Variants in NRG1 observed in about 807,000 individuals in gnomAD.
NRG1 encodes the protein pro-neuregulin-1, membrane-bound isoform.
A neutral mutation model predicts 63.8 loss-of-function variants in NRG1; 18 were observed. That is an observed-to-expected ratio of 0.28 (90% confidence interval 0.19 to 0.42). The LOEUF (loss-of-function observed/expected upper bound fraction) is 0.42. Among genes scored for constraint, NRG1 ranks in the 10% least tolerant of loss-of-function variants. NRG1 has a pLI of 1.00. For synonymous variants in NRG1, 302 were observed against 301.3 expected (o/e 1.00, Z -0.02); for missense variants, 762 against 814.7 (o/e 0.94, Z 0.79).
At chr8:31,639,755 T>G in intron 1 of NRG1, 1 of 1,366,448 alleles carries the variant, frequency 7.3e-7, no homozygotes, top group South Asian at 1.7e-5. Context: ...TTTGCCTTTT[T>G]TTTTTTTGCC....
At chr8:32,131,797 T>C (rs1316877221) in intron 1 of NRG1, among the ~76,000 whole-genome samples, 4 of 152,058 alleles carry the variant, frequency 2.6e-5, no homozygotes, top group Non-Finnish European at 4.4e-5. Context: ...ATAGGAGTAG[T>C]ACACAATGAT....
chr8:31,654,309 C>G (rs1805202434), intron 1 of NRG1, among the ~76,000 whole-genome samples: 1 of 152,168 alleles, frequency 6.6e-6, no homozygotes, highest in Admixed American at 6.5e-5. Flanking sequence ...GAAATAGAAC[C>G]AGTTCATCCC....
chr8:31,743,281 T>C (rs1027732299), intron 1 of NRG1, among the ~76,000 whole-genome samples: 3 of 152,012 alleles, frequency 2.0e-5, no homozygotes, highest in Non-Finnish European at 4.4e-5. Context: ...AGGGGTCTTT[T>C]CCTAGCAGTT....
At chr8:32,046,770 T>TG (rs1821065798) in intron 1 of NRG1, among the ~76,000 whole-genome samples, 1 of 151,554 alleles carries the variant, frequency 6.6e-6, no homozygotes, top group South Asian at 2.1e-4. Context: ...GGGGTTGGGG[T>TG]GGGGGAAAAG....
chr8:31,855,971 C>T (rs1301369742), intron 1 of NRG1, among the ~76,000 whole-genome samples: 2 of 151,664 alleles, frequency 1.3e-5, no homozygotes, highest in African/African-American at 2.4e-5. Context: ...AGAGTTTCTG[C>T]CGAGAGATCT....
intron 1 of NRG1, among the ~76,000 whole-genome samples, chr8:31,656,696 C>T (rs754342609): frequency 1.2e-4 from 19 of 152,108 alleles, no homozygotes; most frequent in Non-Finnish European, 2.1e-4. Flanking sequence ...GAAGGTCACT[C>T]GTTTATGTGT....
Position 32,742,884 on chromosome 8 carries a change from C to T in NRG1, c.691+151C>T, listed in dbSNP as rs1826683670. ...ACTGCCTCTGCCTGTCGCATGAGAA[C>T]ATTAACAAAAGCAATTGTATTACTT... On this transcript the variant is annotated intron_variant, in intron 7 of 11. Transcript: ENST00000356819. This position sits in a 1 kb window ranked among gnomAD's most constrained non-coding sequence, Gnocchi z 4.2. The T allele has an allele frequency of 1.9e-6, 3 of 1,550,418 alleles. No individual in the cohort carries two copies. Among genetic ancestry groups the T allele is most frequent in the African/African-American group, 2.7e-5 (2 of 73,118 alleles).
At chr8:32,748,802 G>A (rs1164743298) in intron 7 of NRG1, 5 of 440,274 alleles carry the variant, frequency 1.1e-5, no homozygotes, top group Non-Finnish European at 2.3e-5. Flanking sequence ...AAAGTGAGGC[G>A]TAGAATTGTC....
At chr8:31,782,662 A>T (rs757969520) in intron 1 of NRG1, among the ~76,000 whole-genome samples, 1 of 152,194 alleles carries the variant, frequency 6.6e-6, no homozygotes, top group Non-Finnish European at 1.5e-5. Context: ...TTGTGACTCA[A>T]GTACAGAAAG....
chr8:31,832,203 G>T (rs912921700), intron 1 of NRG1, among the ~76,000 whole-genome samples: 1 of 151,692 alleles, frequency 6.6e-6, no homozygotes, highest in Non-Finnish European at 1.5e-5. Flanking sequence ...GCTCTGAATT[G>T]GAAAGTAAGT....
intron 5 of NRG1, among the ~76,000 whole-genome samples, chr8:32,678,125 G>C (rs996601349): frequency 7.2e-5 from 11 of 152,032 alleles, no homozygotes; most frequent in Non-Finnish European, 1.3e-4. Flanking sequence ...TCTTTCCTGG[G>C]ATGATGGACA....
At chr8:32,527,948 C>T (rs781667656) in intron 1 of NRG1, among the ~76,000 whole-genome samples, 6 of 152,182 alleles carry the variant, frequency 3.9e-5, no homozygotes, top group Admixed American at 6.5e-5. Flanking sequence ...TGCAATCACC[C>T]AGGCGTGGTC....
At chr8:32,046,353 T>C (rs901189896) in intron 1 of NRG1, among the ~76,000 whole-genome samples, 15 of 152,102 alleles carry the variant, frequency 9.9e-5, no homozygotes, top group African/African-American at 3.4e-4. Context: ...ATTATAGGGA[T>C]ACAAAATGGC....
intron 1 of NRG1, among the ~76,000 whole-genome samples, chr8:32,532,113 G>A (rs2129518087): frequency 6.6e-6 from 1 of 152,226 alleles, no homozygotes; most frequent in African/African-American, 2.4e-5. Context: ...CACCAGACAA[G>A]CAGAGCCTGG....
intron 7 of NRG1, chr8:32,748,895 G>A (rs917733606): frequency 7.6e-6 from 2 of 263,778 alleles, no homozygotes; most frequent in Non-Finnish European, 1.5e-5. Context: ...TGGGGCAGAA[G>A]CATTTGTTGC....
intron 1 of NRG1, among the ~76,000 whole-genome samples, chr8:32,052,271 GTTTTTTTTTTT>G (rs5890615): frequency 1.1e-5 from 1 of 91,410 alleles, no homozygotes; most frequent in Non-Finnish European, 2.2e-5. Context: ...CTTTCCTCCT[GTTTTTTTTTTT>G]TTTTTTTTTT....
At chr8:31,944,850 A>C (rs1256568772) in intron 1 of NRG1, among the ~76,000 whole-genome samples, 7 of 152,208 alleles carry the variant, frequency 4.6e-5, no homozygotes, top group African/African-American at 1.2e-4. Flanking sequence ...AGCTGTATGT[A>C]GTGTTTAATT....
chr8:32,048,043 T>C (rs1298976180), intron 1 of NRG1, among the ~76,000 whole-genome samples: 1 of 151,968 alleles, frequency 6.6e-6, no homozygotes. Context: ...TACAATGTCC[T>C]CCAGGCTCAT....
At chr8:32,500,468 T>C (rs1827738136) in intron 1 of NRG1, among the ~76,000 whole-genome samples, 1 of 152,190 alleles carries the variant, frequency 6.6e-6, no homozygotes, top group Admixed American at 6.5e-5. Context: ...TGGTGCCATA[T>C]AGTCAACCTT....
Sources: gnomAD v4.1 joint callset for allele counts (sites outside exome capture counted in the v4.1 genomes callset) on GRCh38, gnomAD v4.1.1 for gene constraint, Gnocchi (gnomAD v3.1) non-coding constraint, MANE v1.5 for transcripts, NCBI Gene and HGNC (gene_info 2026-07-23, HGNC 2026-07-21) for gene names.